Variants in SAMD5 observed in about 807,000 individuals in gnomAD.
The protein encoded by SAMD5 is sterile alpha motif domain-containing protein 5.
A neutral mutation model predicts 11.3 loss-of-function variants in SAMD5; 13 were observed. The ratio of observed to expected loss-of-function variants is 1.15; its 90% CI spans 0.75 to 1.83. The LOEUF is 1.83. Among genes scored for constraint, SAMD5 ranks in the 40% most tolerant of loss-of-function variants. The pLI, the probability that SAMD5 is intolerant of heterozygous loss-of-function variation, is 0.00. For missense variants in SAMD5, 255 were observed against 239.1 expected, an observed-to-expected ratio of 1.07 and a Z score of -0.44; for synonymous variants, 129 against 111.3, an observed-to-expected ratio of 1.16 and a Z score of -1.00.
the SAMD5 span, among the ~76,000 whole-genome samples, chr6:147,814,074 T>C: frequency 2.0e-5 from 3 of 152,294 alleles, no homozygotes; most frequent in East Asian, 5.8e-4. Flanking sequence ...AGGGAGATTT[T>C]TAATACTATA....
chr6:147,900,804 T>G, the SAMD5 span, among the ~76,000 whole-genome samples: 1 of 152,188 alleles, frequency 6.6e-6, no homozygotes, highest in Non-Finnish European at 1.5e-5. Flanking sequence ...TGTCATGTTT[T>G]TATTATGATT....
the SAMD5 span, among the ~76,000 whole-genome samples, chr6:147,882,060 T>G: frequency 6.6e-6 from 1 of 152,180 alleles, no homozygotes; most frequent in African/African-American, 2.4e-5. Context: ...TAATGAGAGC[T>G]CTTTAACTTA....
At chr6:147,561,139 A>G (rs1788941217) in intron 1 of SAMD5, among the ~76,000 whole-genome samples, 3 of 152,216 alleles carry the variant, frequency 2.0e-5, no homozygotes, top group African/African-American at 7.2e-5. Context: ...GTGTTAAGAC[A>G]CCAAAATATA....
the SAMD5 span, among the ~76,000 whole-genome samples, chr6:147,927,037 A>G: frequency 6.6e-6 from 1 of 152,152 alleles, no homozygotes; most frequent in East Asian, 1.9e-4. Context: ...CTGTTTTTGT[A>G]TCAGTACCAA....
chr6:147,576,783 T>A (rs1789223546), intron 1 of SAMD5, among the ~76,000 whole-genome samples: 1 of 152,224 alleles, frequency 6.6e-6, no homozygotes, highest in Admixed American at 6.5e-5. Context: ...AACAAAGACT[T>A]GCTATATTAG....
chr6:147,816,325 T>C, the SAMD5 span, among the ~76,000 whole-genome samples: 1 of 131,094 alleles, frequency 7.6e-6, no homozygotes, highest in Non-Finnish European at 1.6e-5. Flanking sequence ...TATATATATA[T>C]ATACAGCAAA....
chr6:147,796,659 G>A, the SAMD5 span, among the ~76,000 whole-genome samples: 1 of 151,668 alleles, frequency 6.6e-6, no homozygotes, highest in African/African-American at 2.4e-5. Flanking sequence ...ACCTTGGGCA[G>A]TATTGCCATT....
chr6:147,932,729 G>T, the SAMD5 span, among the ~76,000 whole-genome samples: 1 of 151,738 alleles, frequency 6.6e-6, no homozygotes. Flanking sequence ...CAAATGGCTG[G>T]GTAGCCACAG....
the SAMD5 span, among the ~76,000 whole-genome samples, chr6:147,800,500 C>A: frequency 1.3e-5 from 2 of 152,194 alleles, no homozygotes; most frequent in African/African-American, 4.8e-5. Flanking sequence ...TTTAAGTCTG[C>A]AGAGGTTACT....
At chr6:147,652,780 C>T (rs1434616537) in intron 1 of SAMD5, among the ~76,000 whole-genome samples, 2 of 152,186 alleles carry the variant, frequency 1.3e-5, no homozygotes, top group East Asian at 3.8e-4. Context: ...TTTCTTATCC[C>T]ATATGATGTG....
At chr6:147,636,984 C>T (rs538437474) in intron 1 of SAMD5, among the ~76,000 whole-genome samples, 6 of 152,038 alleles carry the variant, frequency 3.9e-5, no homozygotes, top group African/African-American at 1.2e-4. Context: ...AGGGCAATAA[C>T]GATCTAGCCA....
At chr6:147,529,189 G>C (rs936440965) in intron 1 of SAMD5, among the ~76,000 whole-genome samples, 4 of 152,140 alleles carry the variant, frequency 2.6e-5, no homozygotes, top group African/African-American at 9.7e-5. Flanking sequence ...CTATTCACAG[G>C]CATGTTAGCA....
the SAMD5 span, among the ~76,000 whole-genome samples, chr6:147,768,651 T>C: frequency 9.9e-5 from 15 of 152,246 alleles, no homozygotes; most frequent in African/African-American, 3.4e-4. Flanking sequence ...TTTTATTTTA[T>C]TTTTAATCAA....
the SAMD5 span, among the ~76,000 whole-genome samples, chr6:147,771,852 A>G: frequency 6.6e-6 from 1 of 152,230 alleles, no homozygotes; most frequent in African/African-American, 2.4e-5. Context: ...TGACTCCAAG[A>G]TAAAATCAAA....
At chr6:147,863,248 G>T in the SAMD5 span, among the ~76,000 whole-genome samples, 3 of 152,074 alleles carry the variant, frequency 2.0e-5, no homozygotes, top group Non-Finnish European at 4.4e-5. Context: ...CTCACGTTGG[G>T]GACTTAGAGG....
At chr6:147,915,613 G>A in the SAMD5 span, among the ~76,000 whole-genome samples, 2 of 152,220 alleles carry the variant, frequency 1.3e-5, no homozygotes, top group South Asian at 4.2e-4. Flanking sequence ...TACAGAGTAT[G>A]CATTCAATAA....
In SAMD5 at chr6:147,565,385, G is replaced by T; in HGVS notation, c.*929G>T. ...CGGCTGAAAAAGAAAGTAGATTGAG[G>T]TGGGGGGAGGAAATTAACAGGAATC... On this transcript the variant is annotated 3_prime_UTR_variant, in exon 2 of 2. Coordinates refer to ENST00000367474, the MANE Select transcript of SAMD5 (RefSeq NM_001030060.3). 11 of 985,750 alleles carry T rather than the reference G, an allele frequency of 1.1e-5. No individual in the cohort carries two copies. The highest frequency in any genetic ancestry group is 1.3e-5 in the Non-Finnish European group (11 of 829,862). The allele number at this position is 985,750 out of a possible 1,614,324, so 61.1% of individuals were successfully genotyped here.
At chr6:147,831,057 A>G in the SAMD5 span, among the ~76,000 whole-genome samples, 165 of 152,360 alleles carry the variant, frequency 1.1e-3, 7 homozygotes, top group South Asian at 0.032. Context: ...TCCTGTAGAA[A>G]TGTAGAAAAT....
At chr6:147,835,012 T>G in the SAMD5 span, among the ~76,000 whole-genome samples, 1 of 152,088 alleles carries the variant, frequency 6.6e-6, no homozygotes, top group African/African-American at 2.4e-5. Context: ...GCTGATCACT[T>G]GAGGTCAGGA....
Sources: allele counts gnomAD v4.1 joint callset (sites outside exome capture counted in the v4.1 genomes callset), GRCh38; gene constraint gnomAD v4.1.1; transcripts MANE v1.5; gene names NCBI Gene and HGNC (gene_info 2026-07-23, HGNC 2026-07-21).